Variants in ZNF839 observed in about 807,000 individuals in gnomAD.
ZNF839 encodes the protein renal carcinoma antigen NY-REN-50.
ZNF839 carries 38 observed loss-of-function variants against 56.4 expected under a neutral mutation model. The observed-to-expected ratio is 0.67, with a 90% CI of 0.52 to 0.88. The LOEUF is 0.88. Ranked by LOEUF, ZNF839 falls within the 40% of genes least tolerant of loss-of-function variation. The probability of loss-of-function intolerance (pLI) is 0.00; values close to 1 mark genes in which losing one functional copy is unlikely to be tolerated. For synonymous variants in ZNF839, 486 were observed against 493.5 expected (o/e 0.98, Z 0.20); for missense variants, 1,091 against 1,177.6 (o/e 0.93, Z 1.08).
upstream of ZNF839, chr14:102,319,742 G>A: frequency 1.6e-6 from 2 of 1,228,276 alleles, no homozygotes; most frequent in Non-Finnish European, 2.0e-6. This position sits in a 1 kb window ranked among gnomAD's most constrained non-coding sequence, Gnocchi z 4.5. Flanking sequence ...AGCGACCCGG[G>A]TTCGAGTCCC....
chr14:102,341,994 G>A lies in ZNF839; in HGVS notation c.2599G>A (p.Gly867Ser), dbSNP rs930058384. The A allele has an allele frequency of 8.1e-6, 13 of 1,613,976 alleles. No individual in the cohort carries two copies. The highest frequency in any genetic ancestry group is 7.7e-5 in the South Asian group (7 of 91,080). Reference sequence around the variant, plus strand: ...AGAACTGGAGAGCGTGGTTGCTGTCGGCGAAGCCATGGCTTTTGAAATTTC... The same window carrying A: ...AGAACTGGAGAGCGTGGTTGCTGTCAGCGAAGCCATGGCTTTTGAAATTTC... ...QRELESVVAV[G>S]EAMAFEISNG... Residue 867 changes from glycine (G) to serine (S), a missense_variant, in exon 8 of 8, where the codon GGC becomes AGC. Around this residue, in one of 3 missense-constraint regions of ZNF839, gnomAD observed 431 missense variants for 468.0 expected, o/e 0.92. Coordinates refer to ENST00000442396, the MANE Select transcript of ZNF839 (RefSeq NM_018335.6).
At chr14:102,318,435 C>T (rs1259604037), upstream of ZNF839, among the ~76,000 whole-genome samples, 6 of 152,042 alleles carry the variant, frequency 3.9e-5, no homozygotes, top group Non-Finnish European at 8.8e-5. Flanking sequence ...GGTTTCAAGA[C>T]CAGCCTTACC....
At chr14:102,318,869 G>C (rs2072978833), upstream of ZNF839, among the ~76,000 whole-genome samples, 2 of 152,162 alleles carry the variant, frequency 1.3e-5, no homozygotes, top group South Asian at 4.1e-4. Flanking sequence ...CCTCCTTGGG[G>C]GTCGGCACCT....
chr14:102,328,313 C>A (rs1439254560), intron 2 of ZNF839, among the ~76,000 whole-genome samples: 1 of 129,468 alleles, frequency 7.7e-6, no homozygotes, highest in Non-Finnish European at 1.6e-5. Flanking sequence ...GAGATCATGC[C>A]ATTGCACTCC....
chr14:102,328,368 AAAAAAAAATATAT>A (rs1402901783), intron 2 of ZNF839, among the ~76,000 whole-genome samples: 2 of 51,454 alleles, frequency 3.9e-5, no homozygotes, highest in Admixed American at 2.6e-4. Context: ...AAAAAAAAAA[AAAAAAAAATATAT>A]ATATATATAT....
intron 1 of ZNF839, among the ~76,000 whole-genome samples, chr14:102,322,227 C>T (rs2073166184): frequency 6.6e-6 from 1 of 152,172 alleles, no homozygotes; most frequent in Admixed American, 6.5e-5. Context: ...TGTCTGCATT[C>T]CTTAGGGAAG....
chr14:102,330,776 C>T (rs1260613529), intron 2 of ZNF839, among the ~76,000 whole-genome samples: 1 of 152,166 alleles, frequency 6.6e-6, no homozygotes, highest in Non-Finnish European at 1.5e-5. Context: ...CCTCGGCCTC[C>T]CAAAGTGCTG....
Position 102,341,688 on chromosome 14 carries a change from G to A in ZNF839, c.2293G>A (p.Gly765Arg), listed in dbSNP as rs754039993. The A allele has an allele frequency of 5.6e-6, 9 of 1,613,884 alleles. No homozygotes were observed. The South Asian group carries it at 6.6e-5, about 12-fold the overall frequency. Residue 765 changes from glycine (G) to arginine (R), a missense_variant, in exon 8 of 8, where the codon GGA becomes AGA. This residue lies in a region of ZNF839 where 431 missense variants were observed against 468.0 expected (regional missense o/e 0.92). Coordinates refer to ENST00000442396, the MANE Select transcript of ZNF839 (RefSeq NM_018335.6). ...GAESLPPGGP[G>R]HAEAGHLGKV... ...AGAGTCCCTGCCGCCTGGGGGGCCT[G>A]GACATGCAGAGGCAGGACACCTCGG... is the stretch of plus-strand genomic sequence containing the variant.
rs965597862 is a variant in ZNF839 at position 102,332,440 on chromosome 14, C to G, written c.1416+594C>G. Among the ~76,000 whole-genome samples the G allele has an allele frequency of 3.3e-5, 5 of 151,846 alleles. No individual in the cohort carries two copies. Among genetic ancestry groups the G allele is most frequent in the Non-Finnish European group, 7.4e-5 (5 of 67,984 alleles). ...GAGCCACCATGCCCGGCCTTCAGAA[C>G]CATTCTTGACTTACAGATGATAATT... is the stretch of plus-strand genomic sequence containing the variant. On this transcript the variant is annotated intron_variant, in intron 3 of 7. Transcript: ENST00000442396. This position sits in a 1 kb window ranked among gnomAD's most constrained non-coding sequence, Gnocchi z 4.9.
intron 1 of ZNF839, among the ~76,000 whole-genome samples, chr14:102,325,058 G>C (rs1238406204): frequency 6.6e-6 from 1 of 152,068 alleles, no homozygotes; most frequent in Non-Finnish European, 1.5e-5. Flanking sequence ...TTTAAAAAGT[G>C]ATGTAGAATA....
intron 5 of ZNF839, among the ~76,000 whole-genome samples, chr14:102,338,517 G>A (rs987905498): frequency 1.1e-4 from 13 of 121,896 alleles, no homozygotes; most frequent in Admixed American, 4.2e-4. Flanking sequence ...CAGCCTGAGC[G>A]ACAGAGCCAG....
At chr14:102,335,588 T>G in intron 4 of ZNF839, 101 bp from the exon 5 acceptor site, 1 of 1,227,102 alleles carries the variant, frequency 8.1e-7, no homozygotes, top group Non-Finnish European at 1.1e-6. Flanking sequence ...TGAGGGCTGC[T>G]GAGGGGTTAA....
chr14:102,333,874 C>G (rs1444750320), intron 3 of ZNF839, among the ~76,000 whole-genome samples: 1 of 152,188 alleles, frequency 6.6e-6, no homozygotes, highest in Non-Finnish European at 1.5e-5. Context: ...ACCCCAGGCT[C>G]AAGCTGGGAA....
chr14:102,325,852 C>A, intron 1 of ZNF839, 133 bp from the exon 2 acceptor site: 1 of 1,078,086 alleles, frequency 9.3e-7, no homozygotes, highest in Non-Finnish European at 1.3e-6. Context: ...AGTACAAACA[C>A]ATTACATCAA....
At chr14:102,327,291 C>G (rs8005069) in intron 2 of ZNF839, among the ~76,000 whole-genome samples, 27,422 of 152,002 alleles carry the variant, frequency 0.18, 3,570 homozygotes, top group African/African-American at 0.34. Context: ...CAGGCGCCCA[C>G]CACCACGCCT....
intron 7 of ZNF839, among the ~76,000 whole-genome samples, chr14:102,339,787 C>CTA (rs1465561411): frequency 6.8e-6 from 1 of 146,896 alleles, no homozygotes; most frequent in East Asian, 2.0e-4. Context: ...AGTAAACAGG[C>CTA]TATACCAGGA....
At position 102,319,839 on chromosome 14, in the gene ZNF839, G is replaced by C. The variant is rs1255109186; in HGVS notation, c.74G>C (p.Gly25Ala). The change falls in exon 1 of 8, where the codon GGC (glycine) becomes GCC (alanine). Residue 25 changes from glycine to alanine, a missense_variant. By Grantham distance (60) the Gly-to-Ala change is moderately conservative. Around this residue, in one of 3 missense-constraint regions of ZNF839, gnomAD observed 614 missense variants for 629.2 expected, o/e 0.98. Transcript: ENST00000442396. The surrounding 1 kb of genome is among the most constrained non-coding windows in gnomAD (Gnocchi z 4.5). ...GGGGGGPAPP[G>A]QSGSVARVAP... is the part of the protein sequence containing the mutation. ...GGCGGCGGCGGCCCGGCTCCTCCGGGCCAGAGCGGCAGCGTCGCACGTGTG... is the reference window on the plus strand; with the variant it reads ...GGCGGCGGCGGCCCGGCTCCTCCGGCCCAGAGCGGCAGCGTCGCACGTGTG... 20 of 1,245,082 alleles carry C rather than the reference G, an allele frequency of 1.6e-5. No individual in the cohort carries two copies. The highest frequency in any genetic ancestry group is 1.9e-5 in the Non-Finnish European group (19 of 996,256). 77.1% of individuals were successfully genotyped at this position (1,245,082 alleles called of 1,614,324 possible). A position where few individuals can be genotyped will look rare whatever the true frequency, so the allele number is the denominator to read the frequency against.
chr14:102,320,641 C>T (rs1220719271), intron 1 of ZNF839, among the ~76,000 whole-genome samples: 2 of 152,220 alleles, frequency 1.3e-5, no homozygotes, highest in African/African-American at 4.8e-5. Flanking sequence ...CGCTGCAGGA[C>T]TTAACATCCT....
rs1309321251 is a variant in ZNF839 at position 102,326,886 on chromosome 14, A to C, written c.1190A>C (p.Gln397Pro). Reference protein sequence around the residue: ...LVTESARGGLQNGQSVDVEET... With the variant: ...LVTESARGGLPNGQSVDVEET... ...ACAGAGTCAGCACGCGGTGGCCTGCAGGTAATGTTTCTGTCTGGGTATGTG... is the reference window on the plus strand; with the variant it reads ...ACAGAGTCAGCACGCGGTGGCCTGCCGGTAATGTTTCTGTCTGGGTATGTG... The change falls in exon 2 of 8, where the codon CAG becomes CCG. Residue 397 changes from glutamine to proline, a missense_variant and splice_region_variant. By Grantham distance (76) the Gln-to-Pro change is moderately conservative (BLOSUM62 -1). This residue lies in a region of ZNF839 where 614 missense variants were observed against 629.2 expected (regional missense o/e 0.98). Coordinates refer to ENST00000442396, the MANE Select transcript of ZNF839 (RefSeq NM_018335.6). The surrounding 1 kb of genome is among the most constrained non-coding windows in gnomAD (Gnocchi z 4.3). 6.3e-7 allele frequency: 1 copy of C among 1,591,410 alleles called. No homozygotes were observed.
Sources: allele counts gnomAD v4.1 joint callset (sites outside exome capture counted in the v4.1 genomes callset), GRCh38; gene constraint gnomAD v4.1.1; regional missense constraint gnomAD v4.1.1; non-coding constraint Gnocchi (gnomAD v3.1); transcripts MANE v1.5; gene names NCBI Gene and HGNC (gene_info 2026-07-23, HGNC 2026-07-21).